CHRM3: variants seen among roughly 807,000 people sequenced by gnomAD.
The protein encoded by CHRM3 is cholinergic receptor muscarinic 3.
A neutral mutation model predicts 41.8 loss-of-function variants in CHRM3; 11 were observed. The observed-to-expected ratio is 0.26, with a 90% CI of 0.17 to 0.44. The LOEUF (loss-of-function observed/expected upper bound fraction) is 0.44. Among genes scored for constraint, CHRM3 ranks in the 20% least tolerant of loss-of-function variants. The pLI is 1.00. For missense variants in CHRM3, 571 were observed against 745.4 expected, an observed-to-expected ratio of 0.77 and a Z score of 2.72; for synonymous variants, 297 against 301.4, an observed-to-expected ratio of 0.99 and a Z score of 0.15.
At chr1:239,820,545 G>T (rs1426368814) in intron 5 of CHRM3, among the ~76,000 whole-genome samples, 1 of 152,208 alleles carries the variant, frequency 6.6e-6, no homozygotes, top group African/African-American at 2.4e-5. Flanking sequence ...GGGAAGTTCA[G>T]AGAACAATCT....
intron 5 of CHRM3, among the ~76,000 whole-genome samples, chr1:239,696,195 A>G (rs990281915): frequency 3.9e-5 from 6 of 152,198 alleles, no homozygotes; most frequent in Non-Finnish European, 8.8e-5. Context: ...AAATAGTGAT[A>G]GCTGTCCTAT....
At position 239,474,236 on chromosome 1, in the gene CHRM3, C is replaced by T. The variant is rs186469175; in HGVS notation, c.-520-18473C>T. Among the ~76,000 whole-genome samples the T allele has an allele frequency of 2.8e-3, 419 of 152,110 alleles. 5 individuals carry two copies. The South Asian group carries it at 0.037, about 13-fold the overall frequency. Reference sequence around the variant, plus strand: ...TTTAAAAAAATAACTAGCAAACTTACGTTGAAATATATTTCTCATAAACTT... The same window carrying T: ...TTTAAAAAAATAACTAGCAAACTTATGTTGAAATATATTTCTCATAAACTT... On this transcript the variant is annotated intron_variant, in intron 1 of 6. Coordinates refer to ENST00000676153, the MANE Select transcript of CHRM3 (RefSeq NM_001375978.1).
At chr1:239,499,249 C>G (rs1668071893) in intron 2 of CHRM3, among the ~76,000 whole-genome samples, 1 of 152,016 alleles carries the variant, frequency 6.6e-6, no homozygotes, top group Admixed American at 6.6e-5. Flanking sequence ...TAAGGAGGTA[C>G]AGAGAAAGGA....
chr1:239,701,937 T>G lies in CHRM3; in HGVS notation c.-147+23649T>G, dbSNP rs899876157. Among the ~76,000 whole-genome samples, 5 of 152,316 alleles carry G rather than the reference T, an allele frequency of 3.3e-5. No individual in the cohort carries two copies. In the South Asian group the frequency reaches 1.0e-3, roughly 32 times the overall value. On this transcript the variant is annotated intron_variant, in intron 5 of 6. Coordinates refer to ENST00000676153, the MANE Select transcript of CHRM3 (RefSeq NM_001375978.1). The stretch of plus-strand genomic sequence containing the variant: ...ACCTCTTTTCTCCATGTAATTTATT[T>G]GCTTTTGTTTATGTTAATCACTCTA...
chr1:239,766,909 G>A (rs186219436), intron 5 of CHRM3, among the ~76,000 whole-genome samples: 11 of 151,912 alleles, frequency 7.2e-5, no homozygotes, highest in Non-Finnish European at 1.2e-4. Flanking sequence ...ACAGGGTTTC[G>A]CCATTTTGGC....
At chr1:239,524,176 A>G (rs990678359) in intron 2 of CHRM3, among the ~76,000 whole-genome samples, 5 of 152,138 alleles carry the variant, frequency 3.3e-5, no homozygotes, top group Admixed American at 1.3e-4. Flanking sequence ...AAGAATATAT[A>G]TATATATATG....
At chr1:239,869,053 G>C (rs1170652491) in intron 6 of CHRM3, among the ~76,000 whole-genome samples, 1 of 152,140 alleles carries the variant, frequency 6.6e-6, no homozygotes, top group Non-Finnish European at 1.5e-5. Flanking sequence ...AAGGTTGGCT[G>C]CAGCCTAGCT....
intron 3 of CHRM3, among the ~76,000 whole-genome samples, chr1:239,602,461 T>C (rs1665721986): frequency 6.6e-6 from 1 of 152,162 alleles, no homozygotes; most frequent in Non-Finnish European, 1.5e-5. Flanking sequence ...AAGTCCATCT[T>C]AAACTCAAAA....
chr1:239,881,680 C>A (rs1207065528), intron 6 of CHRM3, among the ~76,000 whole-genome samples: 2 of 152,146 alleles, frequency 1.3e-5, no homozygotes, highest in Admixed American at 1.3e-4. Flanking sequence ...CTTTGAATAA[C>A]TATTTAAAGT....
chr1:239,704,704 A>G (rs1660984453), intron 5 of CHRM3: 1 of 152,196 alleles, frequency 6.6e-6, no homozygotes. Context: ...AGAAGATAAG[A>G]TGTGCATACA....
intron 5 of CHRM3, among the ~76,000 whole-genome samples, chr1:239,811,627 GTCTC>G (rs1457432192): frequency 5.3e-5 from 8 of 152,244 alleles, no homozygotes; most frequent in Non-Finnish European, 1.5e-5. Context: ...ATAAAGCAAA[GTCTC>G]TCTCTCTTGC....
At chr1:239,439,537 AAAG>A (rs1367964793) in intron 1 of CHRM3, among the ~76,000 whole-genome samples, 1 of 152,194 alleles carries the variant, frequency 6.6e-6, no homozygotes, top group Non-Finnish European at 1.5e-5. Context: ...AAATAGGGTC[AAAG>A]AAGGGTGAGA....
rs903673419 is a variant in CHRM3, at chr1:239,448,750, T to C, written c.-520-43959T>C. Among the ~76,000 whole-genome samples the C allele has an allele frequency of 2.6e-5, 4 of 152,196 alleles. No individual in the cohort carries two copies. In the South Asian group the frequency reaches 6.2e-4, roughly 24 times the overall value. On this transcript the variant is annotated intron_variant, in intron 1 of 6. Transcript: ENST00000676153. ...GGGGTGGAACTATTGATAATAATCA[T>C]TACTATAAAGCACCCATTAGTATTT...
intron 5 of CHRM3, among the ~76,000 whole-genome samples, chr1:239,824,722 A>G (rs1023277171): frequency 1.4e-4 from 22 of 152,234 alleles, no homozygotes; most frequent in African/African-American, 5.3e-4. Flanking sequence ...ATTAACATCT[A>G]TTGAAATACT....
At chr1:239,633,700 A>G (rs902010119) in intron 4 of CHRM3, among the ~76,000 whole-genome samples, 2 of 152,030 alleles carry the variant, frequency 1.3e-5, no homozygotes, top group African/African-American at 2.4e-5. Context: ...CCATCATTCT[A>G]TCAGGAAGTC....
At chr1:239,517,368 G>A (rs1421345938) in intron 2 of CHRM3, among the ~76,000 whole-genome samples, 1 of 152,184 alleles carries the variant, frequency 6.6e-6, no homozygotes, top group Non-Finnish European at 1.5e-5. Flanking sequence ...TAAACAGCTT[G>A]CCCAAATTCA....
chr1:239,404,833 C>T (rs551097222), intron 1 of CHRM3, among the ~76,000 whole-genome samples: 16 of 147,940 alleles, frequency 1.1e-4, no homozygotes, highest in Non-Finnish European at 1.8e-4. Context: ...CAGTTCTTAA[C>T]TTTTTTTGTT....
intron 4 of CHRM3, among the ~76,000 whole-genome samples, chr1:239,670,056 C>T (rs976926581): frequency 6.6e-6 from 1 of 152,006 alleles, no homozygotes; most frequent in African/African-American, 2.4e-5. Flanking sequence ...TAATAAGAAG[C>T]CAGTTAAGGT....
At chr1:239,487,144 G>A (rs1004307439) in intron 1 of CHRM3, among the ~76,000 whole-genome samples, 1 of 152,136 alleles carries the variant, frequency 6.6e-6, no homozygotes, top group Non-Finnish European at 1.5e-5. Context: ...GTAGAATTTT[G>A]TGAAGTCAGT....
Sources: allele counts gnomAD v4.1 joint callset (sites outside exome capture counted in the v4.1 genomes callset), GRCh38; gene constraint gnomAD v4.1.1; transcripts MANE v1.5; gene names NCBI Gene and HGNC (gene_info 2026-07-23, HGNC 2026-07-21).